The following CNOT4 variants were observed in gnomAD, a reference collection of about 807,000 sequenced individuals.
CNOT4 encodes CCR4-associated factor 4.
In CNOT4, 8 loss-of-function variants were observed where a neutral mutation model predicts 73.8. The ratio of observed to expected loss-of-function variants is 0.11; its 90% CI spans 0.06 to 0.20. The LOEUF (loss-of-function observed/expected upper bound fraction) is 0.20, where lower values mean the gene tolerates loss of function less well. Among genes scored for constraint, CNOT4 ranks in the 10% least tolerant of loss-of-function variants. The pLI is 1.00. For missense variants in CNOT4, 564 were observed against 883.4 expected (o/e 0.64, Z 4.58); for synonymous variants, 293 against 321.1 (o/e 0.91, Z 0.94).
intron 1 of CNOT4, among the ~76,000 whole-genome samples, chr7:135,507,910 G>A (rs1272067457): frequency 6.6e-6 from 1 of 152,158 alleles, no homozygotes; most frequent in Non-Finnish European, 1.5e-5. Context: ...ATTGCTTGCA[G>A]TTCTAAGAGT....
At chr7:135,379,716 C>T (rs1337130051) in intron 10 of CNOT4, among the ~76,000 whole-genome samples, 2 of 152,074 alleles carry the variant, frequency 1.3e-5, no homozygotes, top group African/African-American at 4.8e-5. Context: ...AAAAAACTTC[C>T]TACTTGGCTG....
intron 1 of CNOT4, among the ~76,000 whole-genome samples, chr7:135,505,539 G>A (rs181694277): frequency 5.3e-5 from 8 of 152,232 alleles, no homozygotes; most frequent in African/African-American, 7.2e-5. Flanking sequence ...GTGACAGAGC[G>A]AGACTCCGTC....
At chr7:135,388,902 A>G in intron 10 of CNOT4, 2 of 1,612,350 alleles carry the variant, frequency 1.2e-6, no homozygotes, top group Middle Eastern at 1.7e-4. Flanking sequence ...CCCCTGTGGA[A>G]AAGTCAGTCA....
intron 10 of CNOT4, among the ~76,000 whole-genome samples, chr7:135,369,842 C>T (rs917449164): frequency 6.6e-6 from 1 of 152,192 alleles, no homozygotes; most frequent in African/African-American, 2.4e-5. Flanking sequence ...CTTCCTCAAA[C>T]CTCAACAATG....
chr7:135,399,696 G>A (rs1032113410), intron 7 of CNOT4, among the ~76,000 whole-genome samples: 7 of 152,052 alleles, frequency 4.6e-5, no homozygotes, highest in African/African-American at 1.7e-4. Context: ...ACAAGGGTTA[G>A]TACCCAATCT....
intron 1 of CNOT4, among the ~76,000 whole-genome samples, chr7:135,498,355 C>T (rs1306801853): frequency 2.0e-5 from 3 of 152,260 alleles, no homozygotes; most frequent in East Asian, 1.9e-4. Context: ...CCACAATCTA[C>T]AAACATGAAT....
At chr7:135,468,953 T>C (rs1224312787) in intron 1 of CNOT4, among the ~76,000 whole-genome samples, 4 of 152,016 alleles carry the variant, frequency 2.6e-5, no homozygotes, top group Admixed American at 2.6e-4. Context: ...TTAGAGACTG[T>C]AATGGAGAAA....
At chr7:135,495,608 T>C (rs1354818609) in intron 1 of CNOT4, among the ~76,000 whole-genome samples, 1 of 133,916 alleles carries the variant, frequency 7.5e-6, no homozygotes, top group Admixed American at 8.4e-5. Flanking sequence ...GCTGGGAGGC[T>C]ATAAGGAGCC....
intron 2 of CNOT4, among the ~76,000 whole-genome samples, chr7:135,428,401 C>G (rs1181937789): frequency 6.6e-6 from 1 of 152,044 alleles, no homozygotes; most frequent in Non-Finnish European, 1.5e-5. Flanking sequence ...CAGACTTCAG[C>G]CACTGGAATT....
intron 1 of CNOT4, among the ~76,000 whole-genome samples, chr7:135,495,669 CAAAAAAA>C (rs1198174318): frequency 1.3e-4 from 4 of 31,860 alleles, no homozygotes; most frequent in African/African-American, 2.5e-4. Context: ...GACCCTGTGT[CAAAAAAA>C]AAAAAAAAAA....
intron 7 of CNOT4, among the ~76,000 whole-genome samples, chr7:135,407,275 T>C (rs1797344588): frequency 6.6e-6 from 1 of 152,214 alleles, no homozygotes; most frequent in South Asian, 2.1e-4. Context: ...AAGTATTTCT[T>C]TATAGCAATG....
chr7:135,405,530 T>C (rs906333242), intron 7 of CNOT4, among the ~76,000 whole-genome samples: 1 of 152,208 alleles, frequency 6.6e-6, no homozygotes, highest in Non-Finnish European at 1.5e-5. Flanking sequence ...TTAAGCATCA[T>C]TACTGCAAGG....
Position 135,432,566 on chromosome 7 carries a change from T to C in CNOT4, c.174+5592A>G, listed in dbSNP as rs146137108. On this transcript the variant is annotated intron_variant, in intron 2 of 11. Coordinates refer to ENST00000541284, the MANE Select transcript of CNOT4 (RefSeq NM_001190850.2). ...TCTTGCAGTTCTCTGATGTGTTGCA[T>C]TTTGGACTGGTTGCCCTCTTTACCT... 3.5e-4 allele frequency among the ~76,000 whole-genome samples: 54 copies of C among 152,306 alleles called. 1 individual carries two copies. The highest frequency in any genetic ancestry group is 1.3e-3 in the African/African-American group (54 of 41,576).
intron 3 of CNOT4, among the ~76,000 whole-genome samples, chr7:135,417,874 C>A (rs1797955164): frequency 6.6e-6 from 1 of 152,202 alleles, no homozygotes; most frequent in Non-Finnish European, 1.5e-5. Flanking sequence ...GTGCCAGAAG[C>A]ACTTTACCCC....
rs972573340 is a variant in CNOT4, at chr7:135,483,983, C to T, written c.-93+25906G>A. 5.3e-5 allele frequency among the ~76,000 whole-genome samples: 8 copies of T among 152,120 alleles called. No individual in the cohort carries two copies. In the East Asian group the frequency reaches 1.5e-3, roughly 29 times the overall value. On this transcript the variant is annotated intron_variant, in intron 1 of 11. Transcript: ENST00000541284. Reference sequence around the variant, plus strand: ...CCAAGGTAGGCGGATCACTTGAGATCAGGAGTCCGAAACCAGCCTGGCCAA... The same window carrying T: ...CCAAGGTAGGCGGATCACTTGAGATTAGGAGTCCGAAACCAGCCTGGCCAA...
chr7:135,456,990 ATAAC>A (rs1340263425), intron 1 of CNOT4, among the ~76,000 whole-genome samples: 2 of 152,088 alleles, frequency 1.3e-5, no homozygotes, highest in Non-Finnish European at 2.9e-5. Context: ...GAAAACTACT[ATAAC>A]TACTAATTCA....
At chr7:135,492,886 C>T (rs1803208708) in intron 1 of CNOT4, among the ~76,000 whole-genome samples, 1 of 151,938 alleles carries the variant, frequency 6.6e-6, no homozygotes, top group Non-Finnish European at 1.5e-5. Context: ...TTAGAGGGAC[C>T]ATAGTGATAT....
chr7:135,509,831 C>T lies in CNOT4; in HGVS notation c.-93+58G>A, dbSNP rs1046046623. The T allele has an allele frequency of 7.1e-4, 277 of 389,190 alleles. 1 individual carries two copies. Among genetic ancestry groups the T allele is most frequent in the Admixed American group, 2.3e-3 (52 of 22,412 alleles). 24.1% of individuals were successfully genotyped at this position (389,190 alleles called of 1,614,324 possible). On this transcript the variant is annotated intron_variant, in intron 1 of 11. Coordinates refer to ENST00000541284, the MANE Select transcript of CNOT4 (RefSeq NM_001190850.2). ...CTGTACAGTCCCAGCGAAGCCTCCG[C>T]TCTCTCGTAGCCGGTCAGCCCCGGG...
intron 1 of CNOT4, among the ~76,000 whole-genome samples, chr7:135,486,376 A>T (rs1802720896): frequency 6.6e-6 from 1 of 152,204 alleles, no homozygotes; most frequent in South Asian, 2.1e-4. Context: ...GATCTCTTGG[A>T]ATGACTACAA....
Sources: allele counts gnomAD v4.1 joint callset (sites outside exome capture counted in the v4.1 genomes callset), GRCh38; gene constraint gnomAD v4.1.1; transcripts MANE v1.5; gene names NCBI Gene and HGNC (gene_info 2026-07-23, HGNC 2026-07-21).